Variants in MCC observed in about 807,000 individuals in gnomAD.
MCC encodes colorectal mutant cancer protein.
MCC carries 90 observed loss-of-function variants against 116.2 expected under a neutral mutation model. That is an observed-to-expected ratio of 0.77 (90% CI 0.65 to 0.92). The LOEUF (loss-of-function observed/expected upper bound fraction) is 0.92. Ranked by LOEUF, MCC falls within the 40% of genes least tolerant of loss-of-function variation. The pLI, the probability that MCC is intolerant of heterozygous loss-of-function variation, is 0.00. For synonymous variants in MCC, 578 were observed against 510.5 expected (o/e 1.13, Z -1.78); for missense variants, 1,516 against 1,312.2 (o/e 1.16, Z -2.40).
intron 11 of MCC, among the ~76,000 whole-genome samples, chr5:113,072,168 C>T (rs542820162): frequency 2.0e-5 from 3 of 152,306 alleles, no homozygotes; most frequent in African/African-American, 7.2e-5. Context: ...GAAAGCTTCA[C>T]ACAAACAAAC....
chr5:113,064,928 G>C (rs575890056), intron 13 of MCC, among the ~76,000 whole-genome samples: 1 of 152,138 alleles, frequency 6.6e-6, no homozygotes, highest in South Asian at 2.1e-4. Context: ...AGCTGAGGTG[G>C]GAGGACTGCT....
intron 11 of MCC, among the ~76,000 whole-genome samples, chr5:113,075,491 C>G (rs907151793): frequency 6.6e-6 from 1 of 152,230 alleles, no homozygotes; most frequent in Non-Finnish European, 1.5e-5. Flanking sequence ...GTGAAGCCAG[C>G]TGGGCTCTTG....
intron 3 of MCC, among the ~76,000 whole-genome samples, chr5:113,166,467 T>A (rs777505957): frequency 6.6e-6 from 1 of 152,150 alleles, no homozygotes; most frequent in Non-Finnish European, 1.5e-5. Flanking sequence ...GAGTCCTGCA[T>A]GAGCTACCCT....
At chr5:113,204,096 T>C (rs1273706006) in intron 3 of MCC, among the ~76,000 whole-genome samples, 1 of 152,154 alleles carries the variant, frequency 6.6e-6, no homozygotes, top group Non-Finnish European at 1.5e-5. Flanking sequence ...GGAATGAGTA[T>C]AAAGCCTACA....
chr5:113,143,816 G>A (rs1759334775), intron 4 of MCC, among the ~76,000 whole-genome samples: 1 of 152,146 alleles, frequency 6.6e-6, no homozygotes, highest in Non-Finnish European at 1.5e-5. Context: ...CCCTTCCCAA[G>A]TTCCTTTATG....
At chr5:113,470,323 T>C (rs1449567752) in intron 1 of MCC, among the ~76,000 whole-genome samples, 3 of 152,118 alleles carry the variant, frequency 2.0e-5, no homozygotes, top group Non-Finnish European at 2.9e-5. Flanking sequence ...CTGGTACCAG[T>C]TGTTCCTTTC....
chr5:113,096,418 T>G (rs905770135), intron 8 of MCC, among the ~76,000 whole-genome samples: 16 of 152,204 alleles, frequency 1.1e-4, no homozygotes, highest in South Asian at 2.1e-4. Context: ...AGCTTCCCAG[T>G]GATTCTGACA....
At chr5:113,262,296 CA>C (rs1208145380) in intron 3 of MCC, among the ~76,000 whole-genome samples, 1 of 152,052 alleles carries the variant, frequency 6.6e-6, no homozygotes, top group Non-Finnish European at 1.5e-5. Flanking sequence ...TTTCAACTAT[CA>C]CATTTGCTAT....
At chr5:113,087,257 C>A (rs780999664) in intron 8 of MCC, among the ~76,000 whole-genome samples, 2 of 152,192 alleles carry the variant, frequency 1.3e-5, no homozygotes, top group Non-Finnish European at 2.9e-5. Context: ...TAGGAAAATT[C>A]CCTCAAAGCA....
At chr5:113,305,162 T>C (rs1766957582) in intron 3 of MCC, among the ~76,000 whole-genome samples, 1 of 152,138 alleles carries the variant, frequency 6.6e-6, no homozygotes, top group South Asian at 2.1e-4. Flanking sequence ...GAAGTGCCCA[T>C]GGATGGACTG....
chr5:113,068,274 T>A (rs1753766172), intron 12 of MCC, 91 bp from the exon 13 acceptor site: 2 of 932,194 alleles, frequency 2.1e-6, no homozygotes, highest in African/African-American at 1.6e-5. Context: ...GCAGCTCAGG[T>A]GCTGTCTCGG....
intron 2 of MCC, among the ~76,000 whole-genome samples, chr5:113,370,967 C>T (rs1768823515): frequency 6.6e-6 from 1 of 152,110 alleles, no homozygotes; most frequent in Admixed American, 6.6e-5. Context: ...TTGCATATCC[C>T]AGCACTTTGG....
chr5:113,211,212 C>T (rs1344743661), intron 3 of MCC, among the ~76,000 whole-genome samples: 2 of 152,150 alleles, frequency 1.3e-5, no homozygotes, highest in Non-Finnish European at 2.9e-5. Flanking sequence ...CTCGCTTGTC[C>T]CTTCTACTAT....
chr5:113,402,167 G>T (rs1408710460), intron 1 of MCC, among the ~76,000 whole-genome samples: 1 of 151,926 alleles, frequency 6.6e-6, no homozygotes, highest in Non-Finnish European at 1.5e-5. Context: ...AGTGGCAGGC[G>T]CCTGTAGTCC....
chr5:113,316,571 A>C (rs1172157935), intron 3 of MCC, among the ~76,000 whole-genome samples: 1 of 152,238 alleles, frequency 6.6e-6, no homozygotes, highest in Non-Finnish European at 1.5e-5. Context: ...CACATAGCCC[A>C]CATGAGCCCT....
intron 11 of MCC, among the ~76,000 whole-genome samples, chr5:113,080,066 T>C (rs527519419): frequency 1.2e-3 from 176 of 152,318 alleles, no homozygotes; most frequent in African/African-American, 4.0e-3. Context: ...TCAGCATCAC[T>C]GGCCATCAGA....
intron 14 of MCC, among the ~76,000 whole-genome samples, chr5:113,061,877 G>C (rs1430305427): frequency 3.9e-5 from 6 of 152,180 alleles, no homozygotes; most frequent in African/African-American, 1.2e-4. Context: ...ACTTGACAAG[G>C]GGGAATGTCT....
intron 16 of MCC, among the ~76,000 whole-genome samples, chr5:113,046,555 G>C (rs1319355238): frequency 6.6e-6 from 1 of 151,796 alleles, no homozygotes; most frequent in Non-Finnish European, 1.5e-5. Context: ...TAAATACCAG[G>C]AACTAGGGGA....
intron 3 of MCC, among the ~76,000 whole-genome samples, chr5:113,315,224 T>A (rs973025988): frequency 6.6e-6 from 1 of 152,188 alleles, no homozygotes; most frequent in Admixed American, 6.5e-5. Flanking sequence ...ATTCTTTTCA[T>A]CCCTTCATGC....
Sources: gnomAD v4.1 joint callset for allele counts (sites outside exome capture counted in the v4.1 genomes callset) on GRCh38, gnomAD v4.1.1 for gene constraint, MANE v1.5 for transcripts, NCBI Gene and HGNC (gene_info 2026-07-23, HGNC 2026-07-21) for gene names.